The following PEAK1 variants were observed in gnomAD, a reference collection of about 807,000 sequenced individuals.
The protein encoded by PEAK1 is pseudopodium enriched atypical kinase 1, also known as inactive tyrosine-protein kinase PEAK1.
A neutral mutation model predicts 124.7 loss-of-function variants in PEAK1; 54 were observed. That is an observed-to-expected ratio of 0.43 (90% CI 0.35 to 0.54). The LOEUF is 0.54. Among genes scored for constraint, PEAK1 ranks in the 20% least tolerant of loss-of-function variants. PEAK1 has a pLI of 0.01. For synonymous variants in PEAK1, 719 were observed against 760.0 expected (o/e 0.95, Z 0.89); for missense variants, 2,046 against 2,134.5 (o/e 0.96, Z 0.82).
Position 77,349,795 on chromosome 15 carries a change from T to C in PEAK1, c.-603+15368A>G, listed in dbSNP as rs1162896769. 2.9e-5 allele frequency: 29 copies of C among 985,240 alleles called. No homozygotes were observed. In the East Asian group the frequency reaches 2.8e-3, roughly 96 times the overall value. The allele number at this position is 985,240 out of a possible 1,614,324, so 61.0% of individuals were successfully genotyped here. On this transcript the variant is annotated intron_variant, in intron 2 of 9. Transcript: ENST00000682557. Reference sequence around the variant, plus strand: ...AAATAATTAGGTTACAAATACTGCATTGTTTTGCAGCTGAGGGGACAGCCA... The same window carrying C: ...AAATAATTAGGTTACAAATACTGCACTGTTTTGCAGCTGAGGGGACAGCCA...
intron 6 of PEAK1, among the ~76,000 whole-genome samples, chr15:77,209,038 G>C (rs1287493337): frequency 6.6e-6 from 1 of 152,128 alleles, no homozygotes; most frequent in Non-Finnish European, 1.5e-5. Flanking sequence ...CTACAGACTA[G>C]CAAGTAAACT....
At chr15:77,243,558 C>T (rs559207075) in intron 6 of PEAK1, among the ~76,000 whole-genome samples, 104 of 152,302 alleles carry the variant, frequency 6.8e-4, no homozygotes, top group African/African-American at 2.3e-3. Flanking sequence ...TTTCCACCAA[C>T]GCTCTTGCTA....
chr15:77,348,578 TGAAAAAGCAGGCA>T (rs1337354410), intron 2 of PEAK1: 1 of 973,160 alleles, frequency 1.0e-6, no homozygotes. Flanking sequence ...AGCCCAGAGT[TGAAAAAGCAGGCA>T]GAAAAAGGGC....
rs760524195 is a variant in PEAK1, at chr15:77,313,742, T to TATATATATATATA, written c.-602-27239_-602-27238insTATATATATATAT. ...TGTGTGTGTGTATATATATATATAT[T>TATATATATATATA]TATTTATTTATTTATTTTTAGTAGA... On this transcript the variant is annotated intron_variant, in intron 2 of 9. Coordinates refer to ENST00000682557, the MANE Select transcript of PEAK1 (RefSeq NM_001385026.1). 4.3e-3 allele frequency among the ~76,000 whole-genome samples: 491 copies of TATATATATATATA among 113,430 alleles called. 3 individuals are homozygous for TATATATATATATA. The highest frequency in any genetic ancestry group is 0.01 in the African/African-American group (274 of 27,272). The allele number at this position is 113,430 out of a possible 152,430, so 74.4% of individuals were successfully genotyped here. A position where few individuals can be genotyped will look rare whatever the true frequency, so the allele number is the denominator to read the frequency against.
chr15:77,403,193 T>C, intron 1 of PEAK1: 3 of 985,410 alleles, frequency 3.0e-6, no homozygotes, highest in South Asian at 4.7e-5. Context: ...CCAATGAGAT[T>C]GTATTTGTCT....
At position 77,330,661 on chromosome 15, in the gene PEAK1, G is replaced by A. The variant is rs555866064; in HGVS notation, c.-603+34502C>T. Among the ~76,000 whole-genome samples, 7 of 152,206 alleles carry A rather than the reference G, an allele frequency of 4.6e-5. 1 individual carries two copies. In the South Asian group the frequency reaches 1.5e-3, roughly 32 times the overall value. ...TACTCTTACCCCAGATGTAAACATTGCTCTCTTCCTCCCTAACTTTCTTCA... is the reference window on the plus strand; with the variant it reads ...TACTCTTACCCCAGATGTAAACATTACTCTCTTCCTCCCTAACTTTCTTCA... On this transcript the variant is annotated intron_variant, in intron 2 of 9. Transcript: ENST00000682557.
At chr15:77,322,822 A>G (rs533593575) in intron 2 of PEAK1, among the ~76,000 whole-genome samples, 2 of 152,284 alleles carry the variant, frequency 1.3e-5, no homozygotes, top group East Asian at 3.9e-4. Context: ...CAGAGACACA[A>G]CAACAACAAA....
rs1390951694 is a variant in PEAK1 at position 77,252,464 on chromosome 15, C to T, written c.-212G>A. On this transcript the variant is annotated 5_prime_UTR_variant, in exon 6 of 10. Coordinates refer to ENST00000682557, the MANE Select transcript of PEAK1 (RefSeq NM_001385026.1). Reference sequence around the variant, plus strand: ...AAATTTCAAGGTGCTTTGGGTCTTTCCAAGATGAATGTCCTTTCTTCCTTG... The same window carrying T: ...AAATTTCAAGGTGCTTTGGGTCTTTTCAAGATGAATGTCCTTTCTTCCTTG... The T allele has an allele frequency of 1.0e-6, 1 of 984,840 alleles. No homozygotes were observed. The highest frequency in any genetic ancestry group is 1.2e-6 in the Non-Finnish European group (1 of 829,598). 61.0% of individuals were successfully genotyped at this position (984,840 alleles called of 1,614,324 possible). A position where few individuals can be genotyped will look rare whatever the true frequency, so the allele number is the denominator to read the frequency against.
chr15:77,231,599 A>C (rs2059912077), intron 6 of PEAK1, among the ~76,000 whole-genome samples: 1 of 152,190 alleles, frequency 6.6e-6, no homozygotes, highest in Non-Finnish European at 1.5e-5. Context: ...TTGTAAGTAA[A>C]AAAAAGTTTT....
intron 6 of PEAK1, among the ~76,000 whole-genome samples, chr15:77,219,207 G>A (rs2059277257): frequency 6.6e-6 from 1 of 152,078 alleles, no homozygotes; most frequent in African/African-American, 2.4e-5. Context: ...AAGTGCAGGT[G>A]GGAGGTAATG....
At chr15:77,410,176 C>T (rs541646620) in intron 1 of PEAK1, among the ~76,000 whole-genome samples, 81 of 152,066 alleles carry the variant, frequency 5.3e-4, no homozygotes, top group African/African-American at 1.9e-3. Context: ...GAACCTCTGC[C>T]TCCCAGGTTC....
At chr15:77,278,657 G>A (rs1471882757) in intron 5 of PEAK1, 1 of 522,548 alleles carries the variant, frequency 1.9e-6, no homozygotes, top group Non-Finnish European at 3.8e-6. Context: ...CACTGGCAAG[G>A]AGGGGAATAA....
intron 5 of PEAK1, chr15:77,278,832 G>GTTT (rs34583265): frequency 0.24 from 54,045 of 222,756 alleles, 6,752 homozygotes; most frequent in Non-Finnish European, 0.27. Flanking sequence ...AATTTTGTGG[G>GTTT]TTTTTTTTTT....
At chr15:77,134,046 A>G (rs1328604174) in intron 8 of PEAK1, among the ~76,000 whole-genome samples, 1 of 152,132 alleles carries the variant, frequency 6.6e-6, no homozygotes, top group Non-Finnish European at 1.5e-5. Flanking sequence ...CTCCAGTCCC[A>G]CCCTTCAGAG....
intron 5 of PEAK1, among the ~76,000 whole-genome samples, chr15:77,258,365 A>C (rs930914244): frequency 5.3e-5 from 8 of 152,068 alleles, no homozygotes; most frequent in African/African-American, 1.4e-4. Flanking sequence ...ATGAGCGTGG[A>C]ATGTTCTTCC....
At chr15:77,170,577 CA>C (rs1357466926) in intron 7 of PEAK1, among the ~76,000 whole-genome samples, 2 of 152,076 alleles carry the variant, frequency 1.3e-5, no homozygotes, top group African/African-American at 4.8e-5. Context: ...GAATAGATAT[CA>C]GGGGGCAAGA....
Position 77,407,401 on chromosome 15 carries a change from A to G in PEAK1, c.-666+12605T>C, listed in dbSNP as rs115675129. Among the ~76,000 whole-genome samples the G allele has an allele frequency of 5.2e-3, 791 of 152,340 alleles. 5 individuals are homozygous for G. Among genetic ancestry groups the G allele is most frequent in the African/African-American group, 0.016 (684 of 41,582 alleles). ...CAAAAGACTACTATCCAGAATCTAC[A>G]TGGAACTCAAACAAATCAGCAAGAA... On this transcript the variant is annotated intron_variant, in intron 1 of 9. Transcript: ENST00000682557.
intron 2 of PEAK1, among the ~76,000 whole-genome samples, chr15:77,292,694 G>C (rs1026313308): frequency 6.6e-6 from 1 of 152,098 alleles, no homozygotes; most frequent in Non-Finnish European, 1.5e-5. Flanking sequence ...CAAAAGCACC[G>C]TAAGTACTGA....
At chr15:77,378,044 C>A (rs1222776739) in intron 1 of PEAK1, among the ~76,000 whole-genome samples, 2 of 152,020 alleles carry the variant, frequency 1.3e-5, no homozygotes, top group African/African-American at 4.8e-5. Flanking sequence ...CAAGAGTGAT[C>A]TCTCCTCTTC....
Sources: gnomAD v4.1 joint callset for allele counts (sites outside exome capture counted in the v4.1 genomes callset) on GRCh38, gnomAD v4.1.1 for gene constraint, MANE v1.5 for transcripts, NCBI Gene and HGNC (gene_info 2026-07-23, HGNC 2026-07-21) for gene names.